The following AKAP8 variants were observed in gnomAD, a reference collection of about 807,000 sequenced individuals.
AKAP8 encodes the protein A-kinase anchor protein 8.
A neutral mutation model predicts 67.5 loss-of-function variants in AKAP8; 24 were observed. That is an observed-to-expected ratio of 0.36 (90% confidence interval 0.26 to 0.50). The LOEUF (loss-of-function observed/expected upper bound fraction) is 0.50, where lower values mean the gene tolerates loss of function less well. Among genes scored for constraint, AKAP8 ranks in the 20% least tolerant of loss-of-function variants. AKAP8 has a pLI of 0.97. For synonymous variants in AKAP8, 400 were observed against 371.1 expected (o/e 1.08, Z -0.90); for missense variants, 971 against 955.9 (o/e 1.02, Z -0.21).
At position 15,373,794 on chromosome 19, in the gene AKAP8, G is replaced by T. The variant is rs150227649; in HGVS notation, c.363C>A (p.Asp121Glu). 2.5e-6 allele frequency: 4 copies of T among 1,608,476 alleles called. No homozygotes were observed. Among genetic ancestry groups the T allele is most frequent in the Non-Finnish European group, 3.4e-6 (4 of 1,179,558 alleles). ...GSGGGGEGIQ[D>E]RESSFRFQPF... ...CTTGGGTCCATAATCACCTCTCCCG[G>T]TCCTGTATGCCCTCCCCACCGCCGC... Residue 121 changes from aspartate to glutamate, a missense_variant, in exon 4 of 14, where the codon GAC becomes GAA. Around this residue, in one of 3 missense-constraint regions of AKAP8, gnomAD observed 763 missense variants for 745.4 expected, o/e 1.02. Transcript: ENST00000269701.
At position 15,355,220 on chromosome 19, in the gene AKAP8, C is replaced by T. The variant is rs868558866; in HGVS notation, c.1774G>A (p.Glu592Lys). The T allele has an allele frequency of 6.2e-7, 1 of 1,611,420 alleles. No individual in the cohort carries two copies. The highest frequency in any genetic ancestry group is 1.3e-5 in the African/African-American group (1 of 75,070). ...ITAAVRAVDGEGAPAPESSGE... is the reference protein window; with the variant it reads ...ITAAVRAVDGKGAPAPESSGE... ...CTGCTCTCTGGAGCGGGCGCTCCTTCCCCATCTACGGCCCTCACTGCTGCT... is the reference window on the plus strand; with the variant it reads ...CTGCTCTCTGGAGCGGGCGCTCCTTTCCCATCTACGGCCCTCACTGCTGCT... Residue 592 changes from glutamate to lysine, a missense_variant, in exon 14 of 14, where the codon GAA (glutamate) becomes AAA (lysine). Transcript: ENST00000269701.
In AKAP8 at chr19:15,374,051, T is replaced by C; in HGVS notation, c.106A>G (p.Asn36Asp). ...CTGGTGTTCTGGGCGCCATAGTAAT[T>C]GTAGTTTTCATAACCTGTCACAGGG... ...VASWQGYENY[N>D]YYGAQNTSVT... The change falls in exon 4 of 14, where the codon AAT (asparagine) becomes GAT (aspartate). Residue 36 changes from asparagine to aspartate, a missense_variant. Transcript: ENST00000269701. 6.4e-7 allele frequency: 1 copy of C among 1,566,012 alleles called. No homozygotes were observed. The highest frequency in any genetic ancestry group is 8.6e-7 in the Non-Finnish European group (1 of 1,159,558).
Position 15,358,952 on chromosome 19 carries a change from C to T in AKAP8, c.1623+15G>A. Reference sequence around the variant, plus strand: ...TTGAAAGCTTTTCCTGTCTGTGGTACTTGCAAGCACAAACCTTGAGGTATT... The same window carrying T: ...TTGAAAGCTTTTCCTGTCTGTGGTATTTGCAAGCACAAACCTTGAGGTATT... On this transcript the variant is annotated intron_variant, in intron 13 of 13. Coordinates refer to ENST00000269701, the MANE Select transcript of AKAP8 (RefSeq NM_005858.4). The T allele has an allele frequency of 6.2e-7, 1 of 1,612,122 alleles. No individual in the cohort carries two copies. Among genetic ancestry groups the T allele is most frequent in the African/African-American group, 1.3e-5 (1 of 75,006 alleles).
In AKAP8 at chr19:15,355,022, C is replaced by T. The variant is rs764405941; in HGVS notation, c.1972G>A (p.Ala658Thr). ...EAGNGAETMA[A>T]EAESAQTRVA... is the part of the protein sequence containing the mutation. ...CTGGTTTGGGCACTTTCTGCCTCTG[C>T]TGCCATTGTCTCGGCGCCATTTCCA... Residue 658 changes from alanine to threonine, a missense_variant, in exon 14 of 14, where the codon GCA (alanine) becomes ACA (threonine). By Grantham distance (58) the Ala-to-Thr change is moderately conservative. Transcript: ENST00000269701. 8 of 1,614,160 alleles carry T rather than the reference C, an allele frequency of 5.0e-6. No individual in the cohort carries two copies. Among genetic ancestry groups the T allele is most frequent in the Non-Finnish European group, 6.8e-6 (8 of 1,180,048 alleles).
Position 15,369,231 on chromosome 19 carries a change from G to A in AKAP8, c.1073-909C>T, listed in dbSNP as rs1312284526. Reference sequence around the variant, plus strand: ...CCCGGGTAGGTAGCAGGACCTGCGCGCAACAGACATGTCACCTTTGCTTTA... The same window carrying A: ...CCCGGGTAGGTAGCAGGACCTGCGCACAACAGACATGTCACCTTTGCTTTA... On this transcript the variant is annotated intron_variant, in intron 8 of 13. Coordinates refer to ENST00000269701, the MANE Select transcript of AKAP8 (RefSeq NM_005858.4). The surrounding 1 kb of genome is among the most constrained non-coding windows in gnomAD (Gnocchi z 4.6). 18 of 985,392 alleles carry A rather than the reference G, an allele frequency of 1.8e-5. No homozygotes were observed. Among genetic ancestry groups the A allele is most frequent in the Non-Finnish European group, 2.0e-5 (17 of 829,980 alleles). The allele number at this position is 985,392 out of a possible 1,614,324, so 61.0% of individuals were successfully genotyped here.
At position 15,373,100 on chromosome 19, in the gene AKAP8, G is replaced by T. The variant is rs1282895129; in HGVS notation, c.612C>A (p.Phe204Leu). Reference protein sequence around the residue: ...RFQDRSNPGTFMRSDPFVPPA... With the variant: ...RFQDRSNPGTLMRSDPFVPPA... ...GGGGCACGAAGGGGTCGCTGCGCAT[G>T]AAGGTGCCAGGGTTGCTCCGGTCCT... is the stretch of plus-strand genomic sequence containing the variant. The change falls in exon 5 of 14, where the codon TTC becomes TTA. Residue 204 changes from phenylalanine (F) to leucine (L), a missense_variant. This residue lies in a region of AKAP8 where 763 missense variants were observed against 745.4 expected (regional missense o/e 1.02). Coordinates refer to ENST00000269701, the MANE Select transcript of AKAP8 (RefSeq NM_005858.4). The T allele has an allele frequency of 1.9e-6, 3 of 1,612,352 alleles. 1 individual carries two copies. The South Asian group carries it at 3.3e-5, about 18-fold the overall frequency.
chr19:15,364,593 C>T (rs1476779445), intron 9 of AKAP8, among the ~76,000 whole-genome samples: 1 of 152,176 alleles, frequency 6.6e-6, no homozygotes, highest in Non-Finnish European at 1.5e-5. Context: ...TCGTGATTGA[C>T]CCACCTCAGC....
intron 4 of AKAP8, 21 bp from the exon 5 acceptor site, chr19:15,373,361 A>C (rs367919682): frequency 6.9e-6 from 11 of 1,583,442 alleles, no homozygotes; most frequent in Admixed American, 1.8e-5. Context: ...AGCACAGCCC[A>C]TCAGGGGCGG....
In AKAP8 at chr19:15,365,546, G is replaced by A. The variant is rs1329195960; in HGVS notation, c.1160+2689C>T. Among the ~76,000 whole-genome samples, 3 of 152,132 alleles carry A rather than the reference G, an allele frequency of 2.0e-5. No individual in the cohort carries two copies. The East Asian group carries it at 5.8e-4, about 29-fold the overall frequency. ...TCACCTCTGCCAACTCCACATGCCT[G>A]GCTTCTGACCTCTGACAAGCAACAT... On this transcript the variant is annotated intron_variant, in intron 9 of 13. Transcript: ENST00000269701.
chr19:15,356,770 G>A (rs1366197307), intron 13 of AKAP8, among the ~76,000 whole-genome samples: 2 of 152,202 alleles, frequency 1.3e-5, no homozygotes, highest in African/African-American at 2.4e-5. Flanking sequence ...AATTTGGGAG[G>A]TCAAGGCGGG....
At position 15,363,500 on chromosome 19, in the gene AKAP8, C is replaced by T. The variant is rs1187597189; in HGVS notation, c.1161-1249G>A. On this transcript the variant is annotated intron_variant, in intron 9 of 13. Coordinates refer to ENST00000269701, the MANE Select transcript of AKAP8 (RefSeq NM_005858.4). ...AGGGAGGTGGGGGGGGTCAGCCCCC[C>T]GCCCGGCCAGCCGCACCGTCCGGGA... is the stretch of plus-strand genomic sequence containing the variant. Among the ~76,000 whole-genome samples, 31 of 142,468 alleles carry T rather than the reference C, an allele frequency of 2.2e-4. 1 individual carries two copies. The highest frequency in any genetic ancestry group is 1.8e-3 in the South Asian group (8 of 4,472). The allele number at this position is 142,468 out of a possible 152,430, so 93.5% of individuals were successfully genotyped here. A position where few individuals can be genotyped will look rare whatever the true frequency, so the allele number is the denominator to read the frequency against.
In AKAP8 at chr19:15,355,321, T is replaced by C. The variant is rs2048271122; in HGVS notation, c.1673A>G (p.Asp558Gly). ...CTTATCCTCACCTCCTAAATTGTCATCTCCTTCCATTTCTGGATCAACAGT... is the reference window on the plus strand; with the variant it reads ...CTTATCCTCACCTCCTAAATTGTCACCTCCTTCCATTTCTGGATCAACAGT... ...SETVDPEMEGDDNLGGEDKKE... is the reference protein window; with the variant it reads ...SETVDPEMEGGDNLGGEDKKE... Residue 558 changes from aspartate (D) to glycine (G), a missense_variant, in exon 14 of 14, where the codon GAT becomes GGT. Asp to Gly is a moderately conservative substitution (Grantham distance 94). Coordinates refer to ENST00000269701, the MANE Select transcript of AKAP8 (RefSeq NM_005858.4). 1 of 1,613,630 alleles carries C rather than the reference T, an allele frequency of 6.2e-7. No homozygotes were observed. Among genetic ancestry groups the C allele is most frequent in the African/African-American group, 1.3e-5 (1 of 74,890 alleles).
At chr19:15,378,770 A>G (rs987182236) in intron 1 of AKAP8, among the ~76,000 whole-genome samples, 4 of 152,190 alleles carry the variant, frequency 2.6e-5, no homozygotes, top group Admixed American at 6.5e-5. Context: ...GCATGTCCCA[A>G]CTATCCCCTG....
intron 2 of AKAP8, among the ~76,000 whole-genome samples, chr19:15,376,614 G>C (rs914756226): frequency 6.6e-6 from 1 of 152,204 alleles, no homozygotes; most frequent in African/African-American, 2.4e-5. Context: ...GTACTAAAAA[G>C]TCTGGTAATT....
intron 9 of AKAP8, among the ~76,000 whole-genome samples, chr19:15,363,267 G>C (rs1377704426): frequency 6.6e-6 from 1 of 151,056 alleles, no homozygotes; most frequent in Non-Finnish European, 1.5e-5. Flanking sequence ...CCCCGTCTGG[G>C]AGGTGAGGGG....
rs764286023 is a variant in AKAP8 at position 15,373,343 on chromosome 19, G to GC, written c.372-4dup. The GC allele has an allele frequency of 3.4e-5, 55 of 1,601,278 alleles. No homozygotes were observed. Among genetic ancestry groups the GC allele is most frequent in the Non-Finnish European group, 4.6e-5 (54 of 1,173,358 alleles). On this transcript the variant is annotated splice_region_variant and splice_polypyrimidine_tract_variant and intron_variant, in intron 4 of 13. Coordinates refer to ENST00000269701, the MANE Select transcript of AKAP8 (RefSeq NM_005858.4). ...CGAACGGCTGGAAGCGGAAGGAGCT[G>GC]CAACAGAAGCACAGCCCATCAGGGG...
intron 2 of AKAP8, among the ~76,000 whole-genome samples, chr19:15,375,003 C>T (rs1268652931): frequency 1.3e-5 from 2 of 152,198 alleles, no homozygotes; most frequent in African/African-American, 4.8e-5. Context: ...GCAGGCGCTG[C>T]CAACTGCACA....
rs1233669054 is a variant in AKAP8 at position 15,354,949 on chromosome 19, T to A, written c.2045A>T (p.Asp682Val). Reference protein sequence around the residue: ...AAADAEVEQTDAESKDAVPTE With the variant: ...AAADAEVEQTVAESKDAVPTE ...GGGAACAGCGTCTTTAGACTCTGCATCAGTTTGTTCCACTTCAGCATCCGC... is the reference window on the plus strand; with the variant it reads ...GGGAACAGCGTCTTTAGACTCTGCAACAGTTTGTTCCACTTCAGCATCCGC... The change falls in exon 14 of 14, where the codon GAT becomes GTT. Residue 682 changes from aspartate to valine, a missense_variant. By Grantham distance (152) the Asp-to-Val change is radical. This residue lies in a region of AKAP8 where 204 missense variants were observed against 193.0 expected (regional missense o/e 1.06). Coordinates refer to ENST00000269701, the MANE Select transcript of AKAP8 (RefSeq NM_005858.4). 2 of 1,614,192 alleles carry A rather than the reference T, an allele frequency of 1.2e-6. No individual in the cohort carries two copies.
intron 1 of AKAP8, 61 bp downstream of exon 1, chr19:15,379,652 C>T (rs1393931007): frequency 1.3e-6 from 2 of 1,558,664 alleles, no homozygotes; most frequent in Admixed American, 1.8e-5. Flanking sequence ...GTCTGCGCAG[C>T]GGCTGCGTCG....
Sources: allele counts gnomAD v4.1 joint callset (sites outside exome capture counted in the v4.1 genomes callset), GRCh38; gene constraint gnomAD v4.1.1; regional missense constraint gnomAD v4.1.1; non-coding constraint Gnocchi (gnomAD v3.1); transcripts MANE v1.5; gene names NCBI Gene and HGNC (gene_info 2026-07-23, HGNC 2026-07-21).